Variants in SCTR observed in about 807,000 individuals in gnomAD.
SCTR encodes the protein secretin receptor.
SCTR carries 56 observed loss-of-function variants against 60.8 expected under a neutral mutation model. The observed-to-expected ratio is 0.92, with a 90% CI of 0.74 to 1.15. SCTR has a LOEUF of 1.15. Ranked by LOEUF, SCTR falls within the 50% of genes most tolerant of loss-of-function variation. The probability of loss-of-function intolerance (pLI) is 0.00; values close to 1 mark genes in which losing one functional copy is unlikely to be tolerated. For synonymous variants in SCTR, 202 were observed against 217.0 expected, an observed-to-expected ratio of 0.93 and a Z score of 0.61; for missense variants, 562 against 550.4, an observed-to-expected ratio of 1.02 and a Z score of -0.21.
chr2:119,494,333 C>T (rs570995471), intron 2 of SCTR, 95 bp downstream of exon 2: 43 of 1,391,104 alleles, frequency 3.1e-5, no homozygotes, highest in Non-Finnish European at 4.0e-5. Context: ...CAGCCTCCCA[C>T]ATCCCATCCT....
At chr2:119,465,914 G>A (rs747476091) in intron 4 of SCTR, 28 bp from the exon 5 acceptor site, 14 of 1,539,026 alleles carry the variant, frequency 9.1e-6, no homozygotes, top group South Asian at 2.2e-5. Context: ...TGTCAGCCCC[G>A]CCGGCCCTCC....
chr2:119,487,134 A>C (rs1677903790), intron 2 of SCTR: 1 of 152,264 alleles, frequency 6.6e-6, no homozygotes, highest in Non-Finnish European at 1.5e-5. Context: ...GATTAGTAAT[A>C]GCCAGCGGCT....
chr2:119,455,045 T>A (rs1357988532), intron 7 of SCTR, among the ~76,000 whole-genome samples: 2 of 152,220 alleles, frequency 1.3e-5, no homozygotes, highest in Non-Finnish European at 2.9e-5. Flanking sequence ...TTCTTTTTTT[T>A]TTAAGCAGAA....
intron 3 of SCTR, 42 bp downstream of exon 3, chr2:119,478,769 C>A (rs1284622657): frequency 1.9e-6 from 3 of 1,592,726 alleles, no homozygotes; most frequent in Non-Finnish European, 2.6e-6. Context: ...CAGAGGGACA[C>A]CCCTCAGCCT....
At chr2:119,522,039 A>G (rs930805184) in intron 1 of SCTR, among the ~76,000 whole-genome samples, 2 of 152,234 alleles carry the variant, frequency 1.3e-5, no homozygotes, top group African/African-American at 4.8e-5. Context: ...TCATGCCTCT[A>G]ATCGCAGCAC....
intron 1 of SCTR, among the ~76,000 whole-genome samples, chr2:119,518,984 T>G (rs1448572347): frequency 6.6e-6 from 1 of 152,076 alleles, no homozygotes; most frequent in East Asian, 1.9e-4. Context: ...CCTTTTTTTT[T>G]GAGACGGAGT....
chr2:119,523,649 G>A (rs1679361651), intron 1 of SCTR, among the ~76,000 whole-genome samples: 1 of 151,954 alleles, frequency 6.6e-6, no homozygotes, highest in South Asian at 2.1e-4. Flanking sequence ...GTCAAGGTTT[G>A]GGGGCAGACT....
At chr2:119,446,932 C>T (rs764819506) in intron 10 of SCTR, 47 bp from the exon 11 acceptor site, 1 of 1,391,678 alleles carries the variant, frequency 7.2e-7, no homozygotes, top group Non-Finnish European at 9.4e-7. Flanking sequence ...TCCCTGCGCC[C>T]TTTCTCCTCC....
intron 1 of SCTR, among the ~76,000 whole-genome samples, chr2:119,504,558 T>C (rs1204583809): frequency 6.6e-6 from 1 of 151,568 alleles, no homozygotes; most frequent in East Asian, 1.9e-4. Flanking sequence ...GCCACAACAC[T>C]CCAGCCTGGG....
At chr2:119,508,632 T>G (rs1214880892) in intron 1 of SCTR, among the ~76,000 whole-genome samples, 1 of 151,892 alleles carries the variant, frequency 6.6e-6, no homozygotes, top group Non-Finnish European at 1.5e-5. Context: ...CAAGTGACCC[T>G]CCTGCCTCAG....
At chr2:119,463,130 C>G (rs959962366) in intron 6 of SCTR, among the ~76,000 whole-genome samples, 14 of 152,112 alleles carry the variant, frequency 9.2e-5, no homozygotes, top group Non-Finnish European at 1.3e-4. Flanking sequence ...AAGTGGCAGG[C>G]AGGTTGGCTG....
chr2:119,502,425 G>A (rs1410082023), intron 1 of SCTR, among the ~76,000 whole-genome samples: 2 of 152,188 alleles, frequency 1.3e-5, no homozygotes, highest in African/African-American at 4.8e-5. Context: ...TAGAAGACTT[G>A]ACATAGTAAA....
At chr2:119,478,762 A>G (rs931933934) in intron 3 of SCTR, 49 bp downstream of exon 3, 2 of 1,586,110 alleles carry the variant, frequency 1.3e-6, no homozygotes, top group Non-Finnish European at 1.7e-6. Context: ...CCCCACCCAG[A>G]GGGACACCCC....
rs903820948 is a variant in SCTR, at chr2:119,479,345, G to A, written c.194-427C>T. On this transcript the variant is annotated intron_variant, in intron 2 of 12. Coordinates refer to ENST00000019103, the MANE Select transcript of SCTR (RefSeq NM_002980.3). ...GGGAGCTTTAGAAATAGACCTAGCC[G>A]GCGTGGCACACAGGGATCCTGCATG... The A allele has an allele frequency of 3.4e-5, 32 of 927,598 alleles. No homozygotes were observed. In the East Asian group the frequency reaches 3.5e-4, roughly 10 times the overall value. The allele number at this position is 927,598 out of a possible 1,614,324, so 57.5% of individuals were successfully genotyped here.
At chr2:119,464,530 G>A (rs148169191) in intron 5 of SCTR, among the ~76,000 whole-genome samples, 1 of 151,948 alleles carries the variant, frequency 6.6e-6, no homozygotes, top group African/African-American at 2.4e-5. Context: ...AAGGCAGGAA[G>A]ATCACTTGAG....
At chr2:119,503,082 C>G (rs1678606773) in intron 1 of SCTR, among the ~76,000 whole-genome samples, 1 of 146,732 alleles carries the variant, frequency 6.8e-6, no homozygotes, top group Non-Finnish European at 1.5e-5. Flanking sequence ...TGGTGTGAAC[C>G]TGGGAAGCAG....
intron 1 of SCTR, among the ~76,000 whole-genome samples, chr2:119,522,257 C>G (rs966427938): frequency 7.2e-5 from 11 of 151,876 alleles, no homozygotes; most frequent in Admixed American, 6.6e-4. Context: ...GATCGCGCCA[C>G]TGCGCTCCAG....
In SCTR at chr2:119,524,387, G is replaced by A. The variant is rs1425610583; in HGVS notation, c.-161C>T. 1 of 431,430 alleles carries A rather than the reference G, an allele frequency of 2.3e-6. No homozygotes were observed. Among genetic ancestry groups the A allele is most frequent in the Non-Finnish European group, 3.9e-6 (1 of 253,300 alleles). The allele number at this position is 431,430 out of a possible 1,614,324, so 26.7% of individuals were successfully genotyped here. A position where few individuals can be genotyped will look rare whatever the true frequency, so the allele number is the denominator to read the frequency against. The stretch of plus-strand genomic sequence containing the variant: ...CCGACCTGCGGCGGGCCCCGGGACT[G>A]CTCCTCCTCGGACCAGGTGGCCGCG... On this transcript the variant is annotated 5_prime_UTR_variant, in exon 1 of 13. Coordinates refer to ENST00000019103, the MANE Select transcript of SCTR (RefSeq NM_002980.3).
chr2:119,502,724 G>A (rs1016794394), intron 1 of SCTR, among the ~76,000 whole-genome samples: 3 of 151,816 alleles, frequency 2.0e-5, no homozygotes, highest in African/African-American at 7.3e-5. Flanking sequence ...GGGCACTGTG[G>A]CTCACACTTG....
Sources: gnomAD v4.1 joint callset for allele counts (sites outside exome capture counted in the v4.1 genomes callset) on GRCh38, gnomAD v4.1.1 for gene constraint, MANE v1.5 for transcripts, NCBI Gene and HGNC (gene_info 2026-07-23, HGNC 2026-07-21) for gene names.